The following ANTXR1 variants were observed in gnomAD, a reference collection of about 807,000 sequenced individuals.
The protein encoded by ANTXR1 is anthrax toxin receptor 1.
A neutral mutation model predicts 78.1 loss-of-function variants in ANTXR1; 19 were observed. The observed-to-expected ratio is 0.24, with a 90% CI of 0.17 to 0.36. The LOEUF (loss-of-function observed/expected upper bound fraction) is 0.36, where lower values mean the gene tolerates loss of function less well. ANTXR1 is among the 10% of genes least tolerant of loss of function. The pLI is 1.00. For missense variants in ANTXR1, 518 were observed against 718.6 expected (o/e 0.72, Z 3.19); for synonymous variants, 273 against 260.5 (o/e 1.05, Z -0.46).
At chr2:69,183,831 A>T (rs1287583925) in intron 16 of ANTXR1, among the ~76,000 whole-genome samples, 1 of 152,140 alleles carries the variant, frequency 6.6e-6, no homozygotes, top group Admixed American at 6.5e-5. Context: ...CTTGTCAGAG[A>T]GCACTGGAAA....
intron 1 of ANTXR1, among the ~76,000 whole-genome samples, chr2:69,016,585 T>C (rs929302149): frequency 6.6e-6 from 1 of 152,232 alleles, no homozygotes; most frequent in African/African-American, 2.4e-5. Flanking sequence ...ACATAATTCT[T>C]AACATACTAT....
At chr2:69,109,020 G>C (rs1354748710) in intron 10 of ANTXR1, among the ~76,000 whole-genome samples, 1 of 152,208 alleles carries the variant, frequency 6.6e-6, no homozygotes, top group African/African-American at 2.4e-5. Flanking sequence ...TCTGGAGCCA[G>C]ACCACCAGGG....
At chr2:69,141,199 TGGGC>T (rs1475481940) in intron 12 of ANTXR1, among the ~76,000 whole-genome samples, 7 of 152,148 alleles carry the variant, frequency 4.6e-5, no homozygotes, top group Admixed American at 4.6e-4. Context: ...TGGCCAAGCA[TGGGC>T]ACATCACCAG....
chr2:69,050,247 C>T (rs1269046183), intron 3 of ANTXR1, among the ~76,000 whole-genome samples: 2 of 151,888 alleles, frequency 1.3e-5, no homozygotes, highest in African/African-American at 4.8e-5. Context: ...TGCAGTGAGC[C>T]GTAATCATGC....
intron 8 of ANTXR1, among the ~76,000 whole-genome samples, chr2:69,085,152 C>A (rs752130625): frequency 4.4e-4 from 67 of 152,158 alleles, no homozygotes; most frequent in Non-Finnish European, 7.9e-4. Flanking sequence ...GTGTCCCAAG[C>A]TGCCTGGCTA....
At chr2:69,021,398 T>A (rs73934649) in intron 1 of ANTXR1, among the ~76,000 whole-genome samples, 3,571 of 152,282 alleles carry the variant, frequency 0.023, 133 homozygotes, top group African/African-American at 0.081. Flanking sequence ...CCCCCGAATC[T>A]CAGTTACACA....
chr2:69,182,451 C>A, intron 15 of ANTXR1, 42 bp from the exon 16 acceptor site: 1 of 1,607,692 alleles, frequency 6.2e-7, no homozygotes, highest in Non-Finnish European at 8.5e-7. Flanking sequence ...CGAGGGGCAG[C>A]ATATTTTGTC....
intron 13 of ANTXR1, among the ~76,000 whole-genome samples, chr2:69,164,935 G>C (rs1673786331): frequency 6.6e-6 from 1 of 152,212 alleles, no homozygotes; most frequent in South Asian, 2.1e-4. Context: ...AACACTCATG[G>C]GAATGTCTGA....
chr2:69,051,418 T>G (rs1436995036), intron 3 of ANTXR1, among the ~76,000 whole-genome samples: 1 of 152,206 alleles, frequency 6.6e-6, no homozygotes, highest in East Asian at 1.9e-4. Context: ...TTGTTAATTT[T>G]TTAATAGCTA....
intron 13 of ANTXR1, among the ~76,000 whole-genome samples, chr2:69,165,991 C>T (rs968551836): frequency 2.0e-5 from 3 of 152,192 alleles, no homozygotes; most frequent in African/African-American, 4.8e-5. Context: ...AATGGTTGAA[C>T]TTAATTCATA....
chr2:69,087,171 C>CA (rs1671079668), intron 8 of ANTXR1, among the ~76,000 whole-genome samples: 1 of 152,150 alleles, frequency 6.6e-6, no homozygotes, highest in Non-Finnish European at 1.5e-5. Flanking sequence ...AATATAAACC[C>CA]ATTCAGAGTC....
intron 17 of ANTXR1, among the ~76,000 whole-genome samples, chr2:69,236,978 T>A (rs1277979577): frequency 6.6e-6 from 1 of 152,100 alleles, no homozygotes; most frequent in Non-Finnish European, 1.5e-5. Context: ...CTCCCTTCCT[T>A]TTTTTGTGTA....
chr2:69,153,860 A>G (rs913534947), intron 13 of ANTXR1, among the ~76,000 whole-genome samples: 23 of 152,248 alleles, frequency 1.5e-4, no homozygotes, highest in African/African-American at 4.8e-4. Context: ...TCCACCAAAT[A>G]CTGGCTGTGT....
chr2:69,061,184 A>G (rs1670227314), intron 3 of ANTXR1, among the ~76,000 whole-genome samples: 1 of 152,208 alleles, frequency 6.6e-6, no homozygotes, highest in Non-Finnish European at 1.5e-5. Flanking sequence ...AAGCTCTTCA[A>G]CCTTCAGAAC....
At chr2:69,194,201 A>G (rs1370681099) in intron 17 of ANTXR1, among the ~76,000 whole-genome samples, 3 of 152,250 alleles carry the variant, frequency 2.0e-5, no homozygotes, top group African/African-American at 7.2e-5. Context: ...TTCTGCCGAA[A>G]CAACACTATC....
chr2:69,156,337 T>G (rs900085901), intron 13 of ANTXR1, among the ~76,000 whole-genome samples: 1 of 152,020 alleles, frequency 6.6e-6, no homozygotes, highest in Non-Finnish European at 1.5e-5. Flanking sequence ...AGCATCCCTC[T>G]CCCTCCCTTT....
rs1305493104 is a variant in ANTXR1, at chr2:69,219,421, A to ACACACACACACACACC, written c.1435-25803_1435-25802insACACACACACACACCC. Among the ~76,000 whole-genome samples the ACACACACACACACACC allele has an allele frequency of 4.7e-5, 7 of 150,210 alleles. No individual in the cohort carries two copies. The South Asian group carries it at 1.1e-3, about 23-fold the overall frequency. The stretch of plus-strand genomic sequence containing the variant: ...CACACACACACACACACACACACAC[A>ACACACACACACACACC]CCCTACTGATGAAAATTAGGTTATC... On this transcript the variant is annotated intron_variant, in intron 17 of 17. Coordinates refer to ENST00000303714, the MANE Select transcript of ANTXR1 (RefSeq NM_032208.3).
intron 1 of ANTXR1, among the ~76,000 whole-genome samples, chr2:69,019,525 CTAATT>C (rs1450999201): frequency 2.6e-5 from 4 of 152,002 alleles, no homozygotes; most frequent in African/African-American, 9.7e-5. Context: ...ATTTCATACT[CTAATT>C]TCTTTTTTTC....
At chr2:69,084,392 G>A (rs1670986006) in intron 8 of ANTXR1, among the ~76,000 whole-genome samples, 2 of 152,030 alleles carry the variant, frequency 1.3e-5, no homozygotes, top group African/African-American at 4.8e-5. Flanking sequence ...TAAGTGAGTG[G>A]GGTGCCCTCC....
Sources: allele counts gnomAD v4.1 joint callset (sites outside exome capture counted in the v4.1 genomes callset), GRCh38; gene constraint gnomAD v4.1.1; transcripts MANE v1.5; gene names NCBI Gene and HGNC (gene_info 2026-07-23, HGNC 2026-07-21).